The following CRB1 variants were observed in gnomAD, a reference collection of about 807,000 sequenced individuals.
The protein encoded by CRB1 is crumbs cell polarity complex component 1.
A neutral mutation model predicts 120.0 loss-of-function variants in CRB1; 83 were observed. The observed-to-expected ratio is 0.69, with a 90% CI of 0.58 to 0.83. The LOEUF is 0.83. Ranked by LOEUF, CRB1 falls within the 40% of genes least tolerant of loss-of-function variation. The pLI is 0.00. For synonymous variants in CRB1, 625 were observed against 612.5 expected (o/e 1.02, Z -0.30); for missense variants, 1,699 against 1,687.6 (o/e 1.01, Z -0.12).
At chr1:197,361,104 C>A (rs946498481) in intron 5 of CRB1, among the ~76,000 whole-genome samples, 2 of 151,978 alleles carry the variant, frequency 1.3e-5, no homozygotes, top group African/African-American at 4.8e-5. Context: ...TGAAATAAAT[C>A]CCACTTGGTG....
intron 1 of CRB1, among the ~76,000 whole-genome samples, chr1:197,318,410 T>C (rs755826790): frequency 1.1e-4 from 16 of 152,142 alleles, no homozygotes; most frequent in Non-Finnish European, 2.2e-4. Flanking sequence ...TATAAATGAG[T>C]ACAGCCATTT....
intron 5 of CRB1, among the ~76,000 whole-genome samples, chr1:197,417,616 T>C (rs1184338285): frequency 1.3e-5 from 2 of 152,180 alleles, no homozygotes; most frequent in Non-Finnish European, 2.9e-5. Flanking sequence ...TTCACAGTTC[T>C]CTAGAGTGAG....
chr1:197,405,167 A>G (rs1164198773), intron 5 of CRB1, among the ~76,000 whole-genome samples: 1 of 151,082 alleles, frequency 6.6e-6, no homozygotes, highest in African/African-American at 2.4e-5. Flanking sequence ...GCTCACTGCA[A>G]CCTCCCTGCC....
chr1:197,434,821 T>G lies in CRB1; in HGVS notation c.2958T>G (p.Asn986Lys). Residue 986 changes from asparagine to lysine, a missense_variant, in exon 9 of 12, where the codon AAT (asparagine) becomes AAG (lysine). Asn to Lys is a moderately conservative substitution (Grantham distance 94, BLOSUM62 0). Transcript: ENST00000367400. ...ITFGFRTRDANVIILHAEKEP... is the reference protein window; with the variant it reads ...ITFGFRTRDAKVIILHAEKEP... ...TTGGTTTCAGAACAAGGGATGCAAA[T>G]GTAATAATATTGCATGCAGAAAAAG... is the stretch of plus-strand genomic sequence containing the variant. 6.2e-7 allele frequency: 1 copy of G among 1,613,698 alleles called. No individual in the cohort carries two copies. The highest frequency in any genetic ancestry group is 8.5e-7 in the Non-Finnish European group (1 of 1,179,718).
At chr1:197,229,873 T>C in the CRB1 span, among the ~76,000 whole-genome samples, 784 of 152,300 alleles carry the variant, frequency 5.1e-3, 10 homozygotes, top group African/African-American at 0.018. Flanking sequence ...AAAAAAGACC[T>C]ACAGCTTCGC....
At chr1:197,445,433 G>T (rs1195064455) in intron 11 of CRB1, among the ~76,000 whole-genome samples, 1 of 152,164 alleles carries the variant, frequency 6.6e-6, no homozygotes, top group Non-Finnish European at 1.5e-5. Flanking sequence ...AGACAACTAA[G>T]TTCAATTAAC....
chr1:197,219,477 C>T, the CRB1 span, among the ~76,000 whole-genome samples: 1 of 152,188 alleles, frequency 6.6e-6, no homozygotes, highest in South Asian at 2.1e-4. Context: ...CTGTCTAGTG[C>T]CAGGTCCATA....
the CRB1 span, among the ~76,000 whole-genome samples, chr1:197,213,282 A>G: frequency 6.6e-6 from 1 of 152,236 alleles, no homozygotes; most frequent in African/African-American, 2.4e-5. Flanking sequence ...CTGAATGCGC[A>G]GAAGAGCTAC....
rs556493117 is a variant in CRB1 at position 197,362,278 on chromosome 1, A to T, written c.1171+5265A>T. Among the ~76,000 whole-genome samples, 17 of 152,222 alleles carry T rather than the reference A, an allele frequency of 1.1e-4. No individual in the cohort carries two copies. The East Asian group carries it at 3.3e-3, about 29-fold the overall frequency. On this transcript the variant is annotated intron_variant, in intron 5 of 11. Coordinates refer to ENST00000367400, the MANE Select transcript of CRB1 (RefSeq NM_201253.3). Reference sequence around the variant, plus strand: ...TGTTTTTTGGCACAGGATACAATCTATCTTGGTAAATGTTCCATGGTTGCC... The same window carrying T: ...TGTTTTTTGGCACAGGATACAATCTTTCTTGGTAAATGTTCCATGGTTGCC...
rs753324293 is a variant in CRB1, at chr1:197,344,306, C to T, written c.678C>T (p.Asp226=). Residue 226 remains aspartate (D), a synonymous_variant, in exon 3 of 12, where the codon GAC becomes GAT. Transcript: ENST00000367400. ...YSGVNCELEI[D]ECWSQPCLNG... is the part of the protein sequence containing the mutation. ...GTGTAAACTGTGAATTGGAAATTGACGAATGTTGGTCCCAGCCTTGTTTAA... is the reference window on the plus strand; with the variant it reads ...GTGTAAACTGTGAATTGGAAATTGATGAATGTTGGTCCCAGCCTTGTTTAA... 20 of 1,614,092 alleles carry T rather than the reference C, an allele frequency of 1.2e-5. No individual in the cohort carries two copies. Among genetic ancestry groups the T allele is most frequent in the South Asian group, 7.7e-5 (7 of 91,080 alleles).
At chr1:197,399,955 C>A (rs778342805) in intron 5 of CRB1, among the ~76,000 whole-genome samples, 1 of 152,146 alleles carries the variant, frequency 6.6e-6, no homozygotes, top group African/African-American at 2.4e-5. Flanking sequence ...ATCTCACGAC[C>A]TTTGCCATAT....
intron 8 of CRB1, among the ~76,000 whole-genome samples, chr1:197,430,918 A>G (rs982633147): frequency 1.3e-5 from 2 of 152,006 alleles, no homozygotes; most frequent in African/African-American, 4.8e-5. Context: ...AAAAAAATAC[A>G]TGCTGGATGC....
At chr1:197,273,645 T>G (rs529333888) in intron 1 of CRB1, among the ~76,000 whole-genome samples, 4 of 152,284 alleles carry the variant, frequency 2.6e-5, no homozygotes, top group African/African-American at 9.6e-5. Context: ...TGACATTTAT[T>G]TTATACTCTG....
In CRB1 at chr1:197,461,306, GA is replaced by G. The variant is rs370241635; in HGVS notation, c.4006-16354del. On this transcript the variant is annotated intron_variant, in intron 11 of 11. Transcript: ENST00000367400. Reference sequence around the variant, plus strand: ...ATGATTAGTCTTCTGCCTTGAAACAGAAAAGGAGTATTTCATAGGATTCCCA... The same window carrying G: ...ATGATTAGTCTTCTGCCTTGAAACAGAAAGGAGTATTTCATAGGATTCCCA... Among the ~76,000 whole-genome samples, 68 of 152,238 alleles carry G rather than the reference GA, an allele frequency of 4.5e-4. No homozygotes were observed. The East Asian group carries it at 0.01, about 23-fold the overall frequency.
intron 2 of CRB1, among the ~76,000 whole-genome samples, chr1:197,340,990 G>A (rs1046627756): frequency 7.2e-5 from 11 of 152,132 alleles, no homozygotes; most frequent in African/African-American, 2.7e-4. Flanking sequence ...ATGGCAGCAG[G>A]CAAAGAGAGA....
At chr1:197,471,016 A>C (rs1571630525) in intron 11 of CRB1, among the ~76,000 whole-genome samples, 1 of 151,866 alleles carries the variant, frequency 6.6e-6, no homozygotes, top group Non-Finnish European at 1.5e-5. Flanking sequence ...ATGTTACATC[A>C]GTTTTTTTTT....
intron 10 of CRB1, chr1:197,440,606 G>T (rs1230872671): frequency 6.6e-6 from 1 of 152,152 alleles, no homozygotes; most frequent in Non-Finnish European, 1.5e-5. Flanking sequence ...TGTATCTATT[G>T]TTGACTGTTT....
Position 197,427,909 on chromosome 1 carries a change from C to T in CRB1, c.2584C>T (p.Leu862=). 1 of 1,614,018 alleles carries T rather than the reference C, an allele frequency of 6.2e-7. No homozygotes were observed. The highest frequency in any genetic ancestry group is 8.5e-7 in the Non-Finnish European group (1 of 1,179,944). Reference sequence around the variant, plus strand: ...AGATGTAAGACTAAACAACCAAAATCTGGAATTCTTTCCAAATCCAACAAA... The same window carrying T: ...AGATGTAAGACTAAACAACCAAAATTTGGAATTCTTTCCAAATCCAACAAA... ...IQDVRLNNQN[L]EFFPNPTNNA... is the part of the protein sequence containing the mutation. The change falls in exon 7 of 12, where the codon CTG becomes TTG. Residue 862 remains leucine, a synonymous_variant. Coordinates refer to ENST00000367400, the MANE Select transcript of CRB1 (RefSeq NM_201253.3).
At chr1:197,223,105 T>G in the CRB1 span, 27 of 820,472 alleles carry the variant, frequency 3.3e-5, no homozygotes, top group South Asian at 2.9e-4. Flanking sequence ...CGTATAATTT[T>G]GAATATTCAG....
Sources: gnomAD v4.1 joint callset for allele counts (sites outside exome capture counted in the v4.1 genomes callset) on GRCh38, gnomAD v4.1.1 for gene constraint, MANE v1.5 for transcripts, NCBI Gene and HGNC (gene_info 2026-07-23, HGNC 2026-07-21) for gene names.